The following TAFA5 variants were observed in gnomAD, a reference collection of about 807,000 sequenced individuals.
TAFA5 encodes TAFA chemokine like family member 5.
In TAFA5, 6 loss-of-function variants were observed where a neutral mutation model predicts 15.3. The observed-to-expected ratio is 0.39, with a 90% CI of 0.21 to 0.77. The LOEUF is 0.77. Among genes scored for constraint, TAFA5 ranks in the 30% least tolerant of loss-of-function variants. TAFA5 has a pLI of 0.41. For missense variants in TAFA5, 161 were observed against 193.1 expected, an observed-to-expected ratio of 0.83 and a Z score of 0.98; for synonymous variants, 103 against 80.7, an observed-to-expected ratio of 1.28 and a Z score of -1.48.
chr22:48,597,123 C>T (rs1196513598), intron 1 of TAFA5, among the ~76,000 whole-genome samples: 1 of 152,170 alleles, frequency 6.6e-6, no homozygotes, highest in Non-Finnish European at 1.5e-5. Context: ...TTAAAGAACA[C>T]CAAAAAATAG....
chr22:48,662,679 G>A (rs1203280958), intron 2 of TAFA5, among the ~76,000 whole-genome samples: 2 of 152,222 alleles, frequency 1.3e-5, no homozygotes, highest in Non-Finnish European at 2.9e-5. Context: ...CAGCAGGCAC[G>A]GAGTGAGAGA....
chr22:48,533,576 A>G (rs1922045478), intron 1 of TAFA5, among the ~76,000 whole-genome samples: 1 of 152,180 alleles, frequency 6.6e-6, no homozygotes, highest in South Asian at 2.1e-4. Context: ...CTGAAACGCC[A>G]GGAAGGGGTC....
rs1444305570 is a variant in TAFA5, at chr22:48,535,455, CTG to C, written c.112+45755_112+45756del. 2.0e-5 allele frequency among the ~76,000 whole-genome samples: 3 copies of C among 152,272 alleles called. No homozygotes were observed. In the East Asian group the frequency reaches 5.8e-4, roughly 29 times the overall value. On this transcript the variant is annotated intron_variant, in intron 1 of 3. Transcript: ENST00000402357. Reference sequence around the variant, plus strand: ...CATTGAACACAAACATGTACACAGTCTGTGTTGCTATACGCATATGTGTAGGT... The same window carrying C: ...CATTGAACACAAACATGTACACAGTCTGTTGCTATACGCATATGTGTAGGT...
At chr22:48,712,039 C>T (rs1929271079) in intron 3 of TAFA5, among the ~76,000 whole-genome samples, 1 of 152,250 alleles carries the variant, frequency 6.6e-6, no homozygotes, top group South Asian at 2.1e-4. Flanking sequence ...CAGGCACATG[C>T]TGATGCTTGT....
At chr22:48,592,725 G>C (rs1397479319) in intron 1 of TAFA5, among the ~76,000 whole-genome samples, 2 of 150,900 alleles carry the variant, frequency 1.3e-5, no homozygotes, top group Admixed American at 1.3e-4. Context: ...CTGCCCTCCT[G>C]CTCAGAGGCC....
At chr22:48,645,957 TATGTG>T (rs1011144598) in intron 1 of TAFA5, among the ~76,000 whole-genome samples, 1 of 147,996 alleles carries the variant, frequency 6.8e-6, no homozygotes, top group African/African-American at 2.6e-5. Context: ...TACATGCACA[TATGTG>T]TGTGTGGGCG....
intron 3 of TAFA5, among the ~76,000 whole-genome samples, chr22:48,743,221 G>GT (rs1428177512): frequency 1.3e-5 from 2 of 151,078 alleles, no homozygotes; most frequent in Non-Finnish European, 3.0e-5. Context: ...CATTCTTCCG[G>GT]TTCGGGGGTC....
rs1163665219 is a variant in TAFA5 at position 48,566,117 on chromosome 22, A to G, written c.112+76413A>G. On this transcript the variant is annotated intron_variant, in intron 1 of 3. Transcript: ENST00000402357. This position sits in a 1 kb window ranked among gnomAD's most constrained non-coding sequence, Gnocchi z 4.5. ...ATAGGTGGATATGGATAGATAGATGATGGATGGATGGATGATGAATGGATG... is the reference window on the plus strand; with the variant it reads ...ATAGGTGGATATGGATAGATAGATGGTGGATGGATGGATGATGAATGGATG... Among the ~76,000 whole-genome samples, 1 of 151,248 alleles carries G rather than the reference A, an allele frequency of 6.6e-6. No homozygotes were observed. Among genetic ancestry groups the G allele is most frequent in the Non-Finnish European group, 1.5e-5 (1 of 67,808 alleles).
At chr22:48,561,011 G>C (rs1923212128) in intron 1 of TAFA5, among the ~76,000 whole-genome samples, 1 of 152,172 alleles carries the variant, frequency 6.6e-6, no homozygotes, top group Non-Finnish European at 1.5e-5. Context: ...TCCCTGTGTG[G>C]GTGACACTGG....
intron 1 of TAFA5, among the ~76,000 whole-genome samples, chr22:48,514,158 G>A (rs568222957): frequency 2.6e-5 from 4 of 152,240 alleles, no homozygotes; most frequent in East Asian, 1.9e-4. Context: ...CGGAGTTGCC[G>A]CTGCATATAT....
At chr22:48,713,550 C>T (rs764899239) in intron 3 of TAFA5, among the ~76,000 whole-genome samples, 1 of 152,222 alleles carries the variant, frequency 6.6e-6, no homozygotes, top group Non-Finnish European at 1.5e-5. Context: ...GACTCACCAC[C>T]GATGGATGAT....
chr22:48,621,482 T>G (rs949017845), intron 1 of TAFA5, among the ~76,000 whole-genome samples: 3 of 152,076 alleles, frequency 2.0e-5, no homozygotes, highest in African/African-American at 7.2e-5. Context: ...TCATGGGCAC[T>G]TCTGCTCACT....
chr22:48,587,186 C>A (rs1924392205), intron 1 of TAFA5, among the ~76,000 whole-genome samples: 1 of 152,166 alleles, frequency 6.6e-6, no homozygotes, highest in African/African-American at 2.4e-5. Context: ...TTTGGGGTGA[C>A]CTTCTGTGTG....
intron 1 of TAFA5, among the ~76,000 whole-genome samples, chr22:48,584,471 A>G (rs1192621223): frequency 6.7e-6 from 1 of 149,200 alleles, no homozygotes; most frequent in South Asian, 2.1e-4. Flanking sequence ...CACACAAAAT[A>G]TACTACACAT....
chr22:48,718,275 G>C (rs773430422), intron 3 of TAFA5, among the ~76,000 whole-genome samples: 1 of 152,198 alleles, frequency 6.6e-6, no homozygotes, highest in South Asian at 2.1e-4. Context: ...CGCTGTGGCC[G>C]TCATTAGTCA....
chr22:48,581,414 C>T (rs1164467838), intron 1 of TAFA5, among the ~76,000 whole-genome samples: 1 of 152,214 alleles, frequency 6.6e-6, no homozygotes, highest in African/African-American at 2.4e-5. Context: ...TGTGGAAACT[C>T]ATCAGTCTCC....
At chr22:48,681,198 C>T (rs968765835) in intron 2 of TAFA5, among the ~76,000 whole-genome samples, 3 of 152,140 alleles carry the variant, frequency 2.0e-5, no homozygotes, top group East Asian at 1.9e-4. Context: ...AGCCCCTGCC[C>T]ATCGCAGCTG....
chr22:48,590,995 GCGCCC>G (rs1291876468), intron 1 of TAFA5, among the ~76,000 whole-genome samples: 4 of 152,242 alleles, frequency 2.6e-5, no homozygotes, highest in Admixed American at 2.0e-4. Context: ...GGGATTACAG[GCGCCC>G]ATCACCACGC....
chr22:48,576,602 T>C, intron 1 of TAFA5: 8 of 1,404,778 alleles, frequency 5.7e-6, no homozygotes, highest in Non-Finnish European at 7.5e-6. Flanking sequence ...GGACCGGTCC[T>C]CCGCGCTCTG....
Sources: gnomAD v4.1 joint callset for allele counts (sites outside exome capture counted in the v4.1 genomes callset) on GRCh38, gnomAD v4.1.1 for gene constraint, Gnocchi (gnomAD v3.1) non-coding constraint, MANE v1.5 for transcripts, NCBI Gene and HGNC (gene_info 2026-07-23, HGNC 2026-07-21) for gene names.